The following SDK2 variants were observed in gnomAD, a reference collection of about 807,000 sequenced individuals.
The protein encoded by SDK2 is protein sidekick-2.
A neutral mutation model predicts 253.9 loss-of-function variants in SDK2; 105 were observed. The ratio of observed to expected loss-of-function variants is 0.41; its 90% confidence interval spans 0.35 to 0.49. The LOEUF (loss-of-function observed/expected upper bound fraction) is 0.49, where lower values mean the gene tolerates loss of function less well. Ranked by LOEUF, SDK2 falls within the 20% of genes least tolerant of loss-of-function variation. The pLI is 0.06. For synonymous variants in SDK2, 1,249 were observed against 1,234.9 expected (o/e 1.01, Z -0.24); for missense variants, 2,608 against 3,003.0 (o/e 0.87, Z 3.07).
rs150648813 is a variant in SDK2, at chr17:73,505,559, CTCATCA to C, written c.224+1873_224+1878del. ...ACCTCATCATCGTCAATAGCTGGAC[CTCATCA>C]TCATCATCATCAATAGCTGGACCTC... On this transcript the variant is annotated intron_variant, in intron 2 of 44. Coordinates refer to ENST00000392650, the MANE Select transcript of SDK2 (RefSeq NM_001144952.2). Among the ~76,000 whole-genome samples the C allele has an allele frequency of 1.4e-3, 215 of 148,922 alleles. 5 individuals are homozygous for C. The highest frequency in any genetic ancestry group is 5.2e-3 in the African/African-American group (206 of 39,590).
rs2064199409 is a variant in SDK2 at position 73,534,638 on chromosome 17, G to T, written c.65-27041C>A. The stretch of plus-strand genomic sequence containing the variant: ...GGGGAGGCAGAGGTCTTGGAGTGTT[G>T]GTGCTGGCTGGCTCTGGTGAGGAGG... On this transcript the variant is annotated intron_variant, in intron 1 of 44. Transcript: ENST00000392650. This position sits in a 1 kb window ranked among gnomAD's most constrained non-coding sequence, Gnocchi z 4.9. Among the ~76,000 whole-genome samples, 2 of 152,194 alleles carry T rather than the reference G, an allele frequency of 1.3e-5. No homozygotes were observed. The highest frequency in any genetic ancestry group is 4.8e-5 in the African/African-American group (2 of 41,444).
At chr17:73,503,742 A>T (rs748542863) in intron 2 of SDK2, among the ~76,000 whole-genome samples, 10 of 152,180 alleles carry the variant, frequency 6.6e-5, no homozygotes, top group Non-Finnish European at 1.5e-4. Context: ...CAAGCCCTGG[A>T]GTAGGCACAT....
chr17:73,546,576 G>A (rs192919880), intron 1 of SDK2, among the ~76,000 whole-genome samples: 2 of 152,352 alleles, frequency 1.3e-5, no homozygotes, highest in Non-Finnish European at 2.9e-5. Context: ...AGGGAGCAAG[G>A]TGTCTGGGCA....
chr17:73,372,162 G>C (rs1165404496), intron 36 of SDK2, among the ~76,000 whole-genome samples: 1 of 152,158 alleles, frequency 6.6e-6, no homozygotes, highest in African/African-American at 2.4e-5. Context: ...CACTCCGGCA[G>C]GTGCATCTTG....
At chr17:73,340,160 C>T (rs979320819) in intron 44 of SDK2, among the ~76,000 whole-genome samples, 2 of 152,234 alleles carry the variant, frequency 1.3e-5, no homozygotes, top group African/African-American at 4.8e-5. Context: ...CGTGGGCCAC[C>T]GTGCCCAGTC....
chr17:73,617,831 T>C (rs1179094453), intron 1 of SDK2, among the ~76,000 whole-genome samples: 4 of 152,180 alleles, frequency 2.6e-5, no homozygotes. Flanking sequence ...TGAAAAGGCC[T>C]CTGGAAGTCA....
chr17:73,551,668 C>T (rs1240007343), intron 1 of SDK2, among the ~76,000 whole-genome samples: 2 of 152,202 alleles, frequency 1.3e-5, no homozygotes, highest in Non-Finnish European at 2.9e-5. Flanking sequence ...GCCTCCAACA[C>T]ACTGTTTGCT....
chr17:73,432,528 C>T (rs1029628710), intron 10 of SDK2, among the ~76,000 whole-genome samples: 13 of 152,118 alleles, frequency 8.5e-5, no homozygotes, highest in East Asian at 1.9e-4. Flanking sequence ...GAGTGCCTAC[C>T]GTGTGCCAGA....
At chr17:73,594,133 C>T (rs1358418163) in intron 1 of SDK2, among the ~76,000 whole-genome samples, 1 of 152,228 alleles carries the variant, frequency 6.6e-6, no homozygotes, top group Admixed American at 6.5e-5. Context: ...GGCCTCCCAA[C>T]GTCTGGGAGC....
At chr17:73,555,399 C>G (rs561642398) in intron 1 of SDK2, among the ~76,000 whole-genome samples, 5 of 152,148 alleles carry the variant, frequency 3.3e-5, no homozygotes, top group Non-Finnish European at 7.3e-5. Context: ...CTGGGGGAGG[C>G]GCCATTGGGA....
chr17:73,433,555 C>T (rs1171626263), intron 10 of SDK2, among the ~76,000 whole-genome samples, 177 bp downstream of exon 10: 1 of 152,152 alleles, frequency 6.6e-6, no homozygotes, highest in Non-Finnish European at 1.5e-5. Context: ...TCCCAAGATG[C>T]TGGGATTATA....
chr17:73,447,722 A>G lies in SDK2; in HGVS notation c.506T>C (p.Val169Ala). 1 of 1,551,754 alleles carries G rather than the reference A, an allele frequency of 6.4e-7. No homozygotes were observed. Among genetic ancestry groups the G allele is most frequent in the South Asian group, 1.2e-5 (1 of 84,068 alleles). ...RIAITLENTL[V>A]ILSTVAPDAG... is the part of the protein sequence containing the mutation. ...GTCAGGGGCCACCGTTGACAGGATGACAAGGGTGTTCTCCAGCGTGATGGC... is the reference window on the plus strand; with the variant it reads ...GTCAGGGGCCACCGTTGACAGGATGGCAAGGGTGTTCTCCAGCGTGATGGC... Residue 169 changes from valine to alanine, a missense_variant, in exon 5 of 45, where the codon GTC becomes GCC. This residue lies in a region of SDK2 where 1,505 missense variants were observed against 1,859.1 expected (regional missense o/e 0.81). Transcript: ENST00000392650. This position sits in a 1 kb window ranked among gnomAD's most constrained non-coding sequence, Gnocchi z 4.0.
At chr17:73,608,342 G>T (rs1396308832) in intron 1 of SDK2, among the ~76,000 whole-genome samples, 1 of 152,038 alleles carries the variant, frequency 6.6e-6, no homozygotes, top group African/African-American at 2.4e-5. Flanking sequence ...ATCGTGTCAG[G>T]GTGCCTGCTG....
Position 73,414,735 on chromosome 17 carries a change from A to G in SDK2, c.2393T>C (p.Val798Ala), listed in dbSNP as rs1182905488. The G allele has an allele frequency of 6.2e-7, 1 of 1,613,650 alleles. No homozygotes were observed. The highest frequency in any genetic ancestry group is 1.7e-5 in the Admixed American group (1 of 59,968). The stretch of plus-strand genomic sequence containing the variant: ...CGTGGAATTGGTGGCTTCCGCGTGC[A>G]CATTGCCCGGAGGGACCGTGGGAAC... ...QGVPTVPPGN[V>A]HAEATNSTTI... Residue 798 changes from valine to alanine, a missense_variant, in exon 18 of 45, where the codon GTG becomes GCG. Transcript: ENST00000392650.
rs2143326057 is a variant in SDK2, at chr17:73,643,102, C to A, written c.64+923G>T. On this transcript the variant is annotated intron_variant, in intron 1 of 44. Coordinates refer to ENST00000392650, the MANE Select transcript of SDK2 (RefSeq NM_001144952.2). This position sits in a 1 kb window ranked among gnomAD's most constrained non-coding sequence, Gnocchi z 6.9. ...GGCGAACCCCAAAGTCGAGGAACCGCCGGTGCAGCCGCCCTTCACCTCGGG... is the reference window on the plus strand; with the variant it reads ...GGCGAACCCCAAAGTCGAGGAACCGACGGTGCAGCCGCCCTTCACCTCGGG... 6.6e-6 allele frequency: 1 copy of A among 152,454 alleles called. No individual in the cohort carries two copies. 9.4% of individuals were successfully genotyped at this position (152,454 alleles called of 1,614,324 possible).
rs867556979 is a variant in SDK2 at position 73,388,750 on chromosome 17, C to T, written c.4193-713G>A. Reference sequence around the variant, plus strand: ...TTCCTTCCCTCCCTTCCTTCCCTCCCTCCTTCCTTCCTTCCCTCCCTCTCC... The same window carrying T: ...TTCCTTCCCTCCCTTCCTTCCCTCCTTCCTTCCTTCCTTCCCTCCCTCTCC... On this transcript the variant is annotated intron_variant, in intron 29 of 44. Coordinates refer to ENST00000392650, the MANE Select transcript of SDK2 (RefSeq NM_001144952.2). Among the ~76,000 whole-genome samples the T allele has an allele frequency of 6.5e-4, 60 of 92,232 alleles. 2 individuals are homozygous for T. Among genetic ancestry groups the T allele is most frequent in the African/African-American group, 2.0e-3 (58 of 29,328 alleles). The allele number at this position is 92,232 out of a possible 152,430, so 60.5% of individuals were successfully genotyped here.
chr17:73,382,076 C>T (rs868153729), intron 33 of SDK2, among the ~76,000 whole-genome samples: 59 of 151,886 alleles, frequency 3.9e-4, no homozygotes, highest in African/African-American at 1.2e-3. Flanking sequence ...ATTAGCTGGG[C>T]GTGGTAGTGT....
At chr17:73,457,801 C>A (rs909817350) in intron 3 of SDK2, among the ~76,000 whole-genome samples, 9 of 152,076 alleles carry the variant, frequency 5.9e-5, no homozygotes, top group Admixed American at 2.0e-4. Context: ...CCTAAGCTAC[C>A]GGGTCCCCTC....
intron 40 of SDK2, chr17:73,357,709 G>C: frequency 3.0e-6 from 1 of 331,364 alleles, no homozygotes. Flanking sequence ...ACAGGGCTTC[G>C]AGAGGCAGCC....
Sources: gnomAD v4.1 joint callset for allele counts (sites outside exome capture counted in the v4.1 genomes callset) on GRCh38, gnomAD v4.1.1 for gene constraint, gnomAD v4.1.1 regional missense constraint, Gnocchi (gnomAD v3.1) non-coding constraint, MANE v1.5 for transcripts, NCBI Gene and HGNC (gene_info 2026-07-23, HGNC 2026-07-21) for gene names.